LMBRD1: variants seen among roughly 807,000 people sequenced by gnomAD.
LMBRD1 encodes LMBR1 domain containing 1.
A neutral mutation model predicts 74.8 loss-of-function variants in LMBRD1; 64 were observed. The ratio of observed to expected loss-of-function variants is 0.86; its 90% CI spans 0.70 to 1.05. The LOEUF is 1.05. LMBRD1 is among the 50% of genes least tolerant of loss of function. The pLI, the probability that LMBRD1 is intolerant of heterozygous loss-of-function variation, is 0.00. For missense variants in LMBRD1, 652 were observed against 645.9 expected (o/e 1.01, Z -0.10); for synonymous variants, 204 against 216.3 (o/e 0.94, Z 0.50).
intron 3 of LMBRD1, among the ~76,000 whole-genome samples, chr6:69,753,307 C>A (rs7739633): frequency 0.34 from 52,389 of 151,976 alleles, 9,959 homozygotes; most frequent in East Asian, 0.54. Flanking sequence ...ATTCATGAAA[C>A]ATAATAGTAC....
intron 14 of LMBRD1, among the ~76,000 whole-genome samples, chr6:69,679,458 C>T (rs761123280): frequency 3.3e-5 from 5 of 151,822 alleles, no homozygotes; most frequent in Non-Finnish European, 7.4e-5. Context: ...ATTTTTTTTC[C>T]AGTAGATATA....
intron 3 of LMBRD1, among the ~76,000 whole-genome samples, chr6:69,772,964 C>T (rs1190576317): frequency 6.6e-6 from 1 of 152,180 alleles, no homozygotes; most frequent in Non-Finnish European, 1.5e-5. Flanking sequence ...ACATGTCTCA[C>T]ACTCCTAACC....
In LMBRD1 at chr6:69,745,949, A is replaced by G. The variant is rs1767218578; in HGVS notation, c.473+3392T>C. 1.3e-5 allele frequency: 3 copies of G among 234,538 alleles called. No homozygotes were observed. The South Asian group carries it at 2.1e-4, about 16-fold the overall frequency. The allele number at this position is 234,538 out of a possible 1,614,324, so 14.5% of individuals were successfully genotyped here. A position where few individuals can be genotyped will look rare whatever the true frequency, so the allele number is the denominator to read the frequency against. ...ACCAGAGCTCCTTTTAACTCTGGCA[A>G]AGTGAATATTGTTGCCATCACTGAC... On this transcript the variant is annotated intron_variant, in intron 5 of 15. Transcript: ENST00000649934.
At chr6:69,777,836 G>A (rs1444194238) in intron 3 of LMBRD1, among the ~76,000 whole-genome samples, 1 of 152,204 alleles carries the variant, frequency 6.6e-6, no homozygotes, top group East Asian at 1.9e-4. Context: ...TCTGACAGAA[G>A]AGATGGATAA....
At chr6:69,764,893 T>G (rs1765446941) in intron 3 of LMBRD1, among the ~76,000 whole-genome samples, 1 of 151,940 alleles carries the variant, frequency 6.6e-6, no homozygotes, top group Admixed American at 6.6e-5. Flanking sequence ...TTTTCTAACT[T>G]AAGGTCACCA....
At chr6:69,754,774 G>C (rs1026235505) in intron 3 of LMBRD1, among the ~76,000 whole-genome samples, 5 of 152,190 alleles carry the variant, frequency 3.3e-5, no homozygotes, top group African/African-American at 1.2e-4. Flanking sequence ...TCAAAAAGTG[G>C]GCAAAGGATA....
intron 9 of LMBRD1, chr6:69,705,342 C>G: frequency 1.3e-6 from 1 of 779,122 alleles, no homozygotes. Context: ...GTCAGTCATC[C>G]GGAAGCAATT....
At chr6:69,773,892 T>A (rs1374816640) in intron 3 of LMBRD1, among the ~76,000 whole-genome samples, 1 of 152,186 alleles carries the variant, frequency 6.6e-6, no homozygotes, top group African/African-American at 2.4e-5. Flanking sequence ...GTTGCCTGCA[T>A]CAATATAGAT....
intron 9 of LMBRD1, among the ~76,000 whole-genome samples, chr6:69,713,220 C>T (rs1276364398): frequency 2.0e-5 from 3 of 152,046 alleles, no homozygotes; most frequent in African/African-American, 4.8e-5. Flanking sequence ...AAAATGAACA[C>T]GCCAACAGAA....
At chr6:69,754,682 C>A (rs1765232637) in intron 3 of LMBRD1, among the ~76,000 whole-genome samples, 1 of 152,158 alleles carries the variant, frequency 6.6e-6, no homozygotes, top group Admixed American at 6.5e-5. Context: ...TTTAACATTT[C>A]TATTGCAAAT....
chr6:69,773,534 G>T (rs1283204472), intron 3 of LMBRD1, among the ~76,000 whole-genome samples: 1 of 152,108 alleles, frequency 6.6e-6, no homozygotes, highest in Non-Finnish European at 1.5e-5. Context: ...TAAAAGTATG[G>T]CATAGAAACT....
chr6:69,685,749 C>T (rs528094795), intron 14 of LMBRD1, among the ~76,000 whole-genome samples: 3 of 152,144 alleles, frequency 2.0e-5, no homozygotes, highest in East Asian at 3.9e-4. Flanking sequence ...TGCAGTGAGC[C>T]GAGATCACAT....
At chr6:69,679,797 A>G (rs910900190) in intron 14 of LMBRD1, among the ~76,000 whole-genome samples, 1 of 152,048 alleles carries the variant, frequency 6.6e-6, no homozygotes, top group Non-Finnish European at 1.5e-5. Context: ...TAAAAAGGGG[A>G]TATCACCATC....
At chr6:69,682,614 A>G (rs1448260855) in intron 14 of LMBRD1, among the ~76,000 whole-genome samples, 1 of 152,036 alleles carries the variant, frequency 6.6e-6, no homozygotes, top group Non-Finnish European at 1.5e-5. Flanking sequence ...TGTATAAGTG[A>G]ACTCTAAATT....
chr6:69,747,070 A>C (rs1053259277), intron 5 of LMBRD1, among the ~76,000 whole-genome samples: 7 of 152,144 alleles, frequency 4.6e-5, no homozygotes, highest in Non-Finnish European at 1.0e-4. Context: ...CAAAAAAAAA[A>C]AAAAACAAAA....
In LMBRD1 at chr6:69,796,939, A is replaced by G. The variant is rs537338716; in HGVS notation, c.-58T>C. 2 of 1,464,398 alleles carry G rather than the reference A, an allele frequency of 1.4e-6. No homozygotes were observed. Among genetic ancestry groups the G allele is most frequent in the South Asian group, 2.3e-5 (2 of 86,008 alleles). The allele number at this position is 1,464,398 out of a possible 1,614,324, so 90.7% of individuals were successfully genotyped here. ...CGGGGTGGGGAAAGGGGAGGGGGAAAGGGGAGAGAGCGCGAGATATACTGC... is the reference window on the plus strand; with the variant it reads ...CGGGGTGGGGAAAGGGGAGGGGGAAGGGGGAGAGAGCGCGAGATATACTGC... On this transcript the variant is annotated 5_prime_UTR_variant, in exon 1 of 16. Coordinates refer to ENST00000649934, the MANE Select transcript of LMBRD1 (RefSeq NM_018368.4).
At chr6:69,741,619 C>T (rs1345313050) in intron 6 of LMBRD1, among the ~76,000 whole-genome samples, 170 bp downstream of exon 6, 2 of 152,082 alleles carry the variant, frequency 1.3e-5, no homozygotes, top group East Asian at 1.9e-4. Flanking sequence ...CTCCTGACCT[C>T]GTGATCCACC....
intron 3 of LMBRD1, among the ~76,000 whole-genome samples, chr6:69,754,055 G>C (rs553413330): frequency 6.6e-6 from 1 of 152,004 alleles, no homozygotes; most frequent in Non-Finnish European, 1.5e-5. Flanking sequence ...AGACAAATAC[G>C]ATATGACTCT....
At chr6:69,682,086 C>A (rs960008490) in intron 14 of LMBRD1, among the ~76,000 whole-genome samples, 1 of 151,218 alleles carries the variant, frequency 6.6e-6, no homozygotes, top group Non-Finnish European at 1.5e-5. Context: ...AATACATACA[C>A]GTAAAAAGAT....
Sources: gnomAD v4.1 joint callset for allele counts (sites outside exome capture counted in the v4.1 genomes callset) on GRCh38, gnomAD v4.1.1 for gene constraint, MANE v1.5 for transcripts, NCBI Gene and HGNC (gene_info 2026-07-23, HGNC 2026-07-21) for gene names.